Variants in LRRC8B observed in about 807,000 individuals in gnomAD.
The protein encoded by LRRC8B is volume-regulated anion channel subunit LRRC8B.
In LRRC8B, 23 loss-of-function variants were observed where a neutral mutation model predicts 58.8. That is an observed-to-expected ratio of 0.39 (90% CI 0.28 to 0.55). LRRC8B has a LOEUF of 0.55. Ranked by LOEUF, LRRC8B falls within the 20% of genes least tolerant of loss-of-function variation. LRRC8B has a pLI of 0.62. For synonymous variants in LRRC8B, 359 were observed against 374.1 expected, an observed-to-expected ratio of 0.96 and a Z score of 0.47; for missense variants, 694 against 936.0, an observed-to-expected ratio of 0.74 and a Z score of 3.37.
intron 3 of LRRC8B, among the ~76,000 whole-genome samples, chr1:89,573,171 G>A (rs1342561866): frequency 2.6e-5 from 4 of 151,944 alleles, no homozygotes; most frequent in African/African-American, 9.7e-5. Context: ...GTGGTGGCAG[G>A]CACCTGTAGT....
intron 1 of LRRC8B, among the ~76,000 whole-genome samples, chr1:89,550,295 C>T (rs967005159): frequency 2.0e-5 from 3 of 152,190 alleles, no homozygotes; most frequent in African/African-American, 7.2e-5. Flanking sequence ...CTGATCTCCT[C>T]CCTATGTGTA....
In LRRC8B at chr1:89,584,216, C is replaced by T. The variant is rs1654460609; in HGVS notation, c.1566C>T (p.Leu522=). 1 of 1,611,674 alleles carries T rather than the reference C, an allele frequency of 6.2e-7. No individual in the cohort carries two copies. The highest frequency in any genetic ancestry group is 8.5e-7 in the Non-Finnish European group (1 of 1,180,022). Residue 522 remains leucine, a synonymous_variant, in exon 5 of 6, where the codon CTC becomes CTT. Coordinates refer to ENST00000330947, the MANE Select transcript of LRRC8B (RefSeq NM_001369817.2). ...LKELYLSGCV[L]PEQLSTMQLE... is the part of the protein sequence containing the mutation. ...AACTTTATCTTTCGGGCTGTGTTCT[C>T]CCTGAACAGTTGAGTACTATGCAGT...
intron 5 of LRRC8B, among the ~76,000 whole-genome samples, chr1:89,587,236 A>G (rs745911866): frequency 5.3e-5 from 8 of 152,214 alleles, no homozygotes; most frequent in Non-Finnish European, 8.8e-5. Context: ...TTCATGTTTC[A>G]TGTGGGGATT....
In LRRC8B at chr1:89,583,202, C is replaced by T. The variant is rs766806862; in HGVS notation, c.552C>T (p.Ser184=). 1.9e-6 allele frequency: 3 copies of T among 1,614,168 alleles called. No homozygotes were observed. The highest frequency in any genetic ancestry group is 2.5e-6 in the Non-Finnish European group (3 of 1,180,036). ...AEQSVRPLKL[S]KSKILLSSSG... ...AGTCAGTGAGGCCTCTGAAACTCTC[C>T]AAGTCCAAGATTTTGCTTTCGTCCT... Residue 184 remains serine (S), a synonymous_variant, in exon 5 of 6, where the codon TCC becomes TCT. Transcript: ENST00000330947. This position sits in a 1 kb window ranked among gnomAD's most constrained non-coding sequence, Gnocchi z 5.2.
chr1:89,534,223 T>C (rs1259923774), intron 1 of LRRC8B, among the ~76,000 whole-genome samples: 1 of 152,212 alleles, frequency 6.6e-6, no homozygotes, highest in Non-Finnish European at 1.5e-5. Context: ...GTCTGAAATT[T>C]TTCATCATAA....
intron 1 of LRRC8B, among the ~76,000 whole-genome samples, chr1:89,560,583 G>A (rs2100959570): frequency 7.3e-6 from 1 of 137,510 alleles, no homozygotes. Context: ...TCCCCTTCCT[G>A]TGTCCATGTG....
chr1:89,562,376 A>G (rs1363906749), intron 1 of LRRC8B, among the ~76,000 whole-genome samples: 5 of 152,052 alleles, frequency 3.3e-5, no homozygotes, highest in Non-Finnish European at 7.4e-5. Flanking sequence ...GGGAGCTTCA[A>G]TTGTTATTTT....
intron 4 of LRRC8B, among the ~76,000 whole-genome samples, chr1:89,580,877 G>A (rs971911619): frequency 2.6e-5 from 4 of 152,096 alleles, no homozygotes; most frequent in African/African-American, 9.7e-5. Context: ...TAGGGTTCAG[G>A]GTCAGATGGT....
chr1:89,578,784 A>G (rs570294886), intron 3 of LRRC8B, among the ~76,000 whole-genome samples: 53 of 152,258 alleles, frequency 3.5e-4, no homozygotes, highest in African/African-American at 1.2e-3. Context: ...TATAATTTTT[A>G]CTTTCAATTA....
chr1:89,589,553 T>C (rs894782057), intron 5 of LRRC8B, among the ~76,000 whole-genome samples: 5 of 104,104 alleles, frequency 4.8e-5, no homozygotes, highest in Non-Finnish European at 8.1e-5. Context: ...ACTTCCACAT[T>C]TGTGCTTTTT....
At chr1:89,528,594 C>T (rs1259415829) in intron 1 of LRRC8B, among the ~76,000 whole-genome samples, 1 of 152,170 alleles carries the variant, frequency 6.6e-6, no homozygotes, top group Non-Finnish European at 1.5e-5. Flanking sequence ...ACAGAGACTG[C>T]AAAGAACAAT....
intron 1 of LRRC8B, among the ~76,000 whole-genome samples, chr1:89,559,993 C>T (rs1652498255): frequency 1.3e-5 from 2 of 152,134 alleles, no homozygotes; most frequent in Admixed American, 1.3e-4. Context: ...CTAGATATTC[C>T]CTAGCTCCAA....
In LRRC8B at chr1:89,597,842, A is replaced by T. The variant is rs532559544; in HGVS notation, c.*4799A>T. On this transcript the variant is annotated 3_prime_UTR_variant, in exon 6 of 6. Transcript: ENST00000330947. ...CCAATTTTTATAACAAATGGCAAAT[A>T]AAAACAGTAAATGCTGGAAGAAGTT... The T allele has an allele frequency of 6.6e-6, 1 of 152,326 alleles. No individual in the cohort carries two copies. The highest frequency in any genetic ancestry group is 1.9e-4 in the East Asian group (1 of 5,188). 9.4% of individuals were successfully genotyped at this position (152,326 alleles called of 1,614,324 possible).
At chr1:89,590,402 T>C (rs1265830688) in intron 5 of LRRC8B, among the ~76,000 whole-genome samples, 1 of 152,058 alleles carries the variant, frequency 6.6e-6, no homozygotes, top group Non-Finnish European at 1.5e-5. Flanking sequence ...TGAATGAGAG[T>C]AGGTGAGGTA....
chr1:89,535,776 A>G (rs541303438), intron 1 of LRRC8B, among the ~76,000 whole-genome samples: 5 of 152,352 alleles, frequency 3.3e-5, no homozygotes, highest in Non-Finnish European at 5.9e-5. Flanking sequence ...TCTAAGAACA[A>G]GTCTTAATCC....
At chr1:89,589,286 C>A (rs1654825612) in intron 5 of LRRC8B, among the ~76,000 whole-genome samples, 2 of 152,156 alleles carry the variant, frequency 1.3e-5, no homozygotes, top group African/African-American at 4.8e-5. Flanking sequence ...CCCAAACATT[C>A]TGATTTCTAC....
At chr1:89,555,360 A>G (rs1428380382) in intron 1 of LRRC8B, among the ~76,000 whole-genome samples, 7 of 152,202 alleles carry the variant, frequency 4.6e-5, no homozygotes, top group Non-Finnish European at 8.8e-5. Context: ...GAAGCCTTTC[A>G]TGTCATGTAG....
intron 1 of LRRC8B, among the ~76,000 whole-genome samples, chr1:89,554,034 CT>C (rs1553155978): frequency 1.3e-5 from 2 of 152,148 alleles, no homozygotes; most frequent in African/African-American, 2.4e-5. Context: ...TATTTACCCC[CT>C]AAAGCAATAA....
At chr1:89,530,308 G>A (rs1165843926) in intron 1 of LRRC8B, among the ~76,000 whole-genome samples, 1 of 151,718 alleles carries the variant, frequency 6.6e-6, no homozygotes. Context: ...GCAGTGAGCC[G>A]AGATTGTGCC....
Sources: gnomAD v4.1 joint callset for allele counts (sites outside exome capture counted in the v4.1 genomes callset) on GRCh38, gnomAD v4.1.1 for gene constraint, Gnocchi (gnomAD v3.1) non-coding constraint, MANE v1.5 for transcripts, NCBI Gene and HGNC (gene_info 2026-07-23, HGNC 2026-07-21) for gene names.